FAM135A: variants seen among roughly 807,000 people sequenced by gnomAD.
The protein encoded by FAM135A is family with sequence similarity 135 member A, also known as protein FAM135A.
A neutral mutation model predicts 146.8 loss-of-function variants in FAM135A; 79 were observed. That is an observed-to-expected ratio of 0.54 (90% confidence interval 0.45 to 0.65). FAM135A has a LOEUF of 0.65. Among genes scored for constraint, FAM135A ranks in the 30% least tolerant of loss-of-function variants. The pLI is 0.00. For synonymous variants in FAM135A, 562 were observed against 603.6 expected (o/e 0.93, Z 1.01); for missense variants, 1,623 against 1,758.2 (o/e 0.92, Z 1.38).
chr6:70,521,881 G>A (rs1021353596), intron 12 of FAM135A, among the ~76,000 whole-genome samples: 1 of 152,108 alleles, frequency 6.6e-6, no homozygotes. Flanking sequence ...GTTTTGTGGG[G>A]ATGCAAAGGT....
intron 10 of FAM135A, among the ~76,000 whole-genome samples, chr6:70,485,888 A>G (rs1582467506): frequency 6.6e-6 from 1 of 152,356 alleles, no homozygotes; most frequent in East Asian, 1.9e-4. Context: ...CACTTGTAAC[A>G]GCAGGGAGTT....
rs80004977 is a variant in FAM135A, at chr6:70,463,419, T to TAAA, written c.157+10862_157+10864dup. 7.1e-4 allele frequency among the ~76,000 whole-genome samples: 101 copies of TAAA among 142,188 alleles called. No homozygotes were observed. In the South Asian group the frequency reaches 8.0e-3, roughly 11 times the overall value. The allele number at this position is 142,188 out of a possible 152,430, so 93.3% of individuals were successfully genotyped here. On this transcript the variant is annotated intron_variant, in intron 5 of 21. Transcript: ENST00000418814. ...GCGCATGCCACCACACTGGCCTAAT[T>TAAA]AAAAAAAAAAAAAAAATTTGTAGAG...
chr6:70,541,725 G>A (rs1269390441), intron 20 of FAM135A, among the ~76,000 whole-genome samples: 1 of 152,068 alleles, frequency 6.6e-6, no homozygotes, highest in Non-Finnish European at 1.5e-5. Context: ...GGCTTACTTA[G>A]CATCTTCATG....
At chr6:70,539,995 C>A (rs1797566120) in intron 20 of FAM135A, among the ~76,000 whole-genome samples, 1 of 151,364 alleles carries the variant, frequency 6.6e-6, no homozygotes, top group Non-Finnish European at 1.5e-5. Flanking sequence ...GACTCCGTCT[C>A]AAAAAAAAGA....
chr6:70,470,749 A>G (rs1263690891), intron 5 of FAM135A, among the ~76,000 whole-genome samples: 2 of 152,232 alleles, frequency 1.3e-5, no homozygotes, highest in African/African-American at 4.8e-5. Flanking sequence ...ATTGGAGGCC[A>G]TTTTAGAGGC....
At chr6:70,447,686 G>A (rs947472038) in intron 4 of FAM135A, among the ~76,000 whole-genome samples, 10 of 152,176 alleles carry the variant, frequency 6.6e-5, no homozygotes, top group South Asian at 2.1e-4. Flanking sequence ...TCCCGAAATC[G>A]GGTTCCCATC....
chr6:70,477,387 T>TA (rs1433629371), intron 8 of FAM135A, 55 bp downstream of exon 8: 3 of 1,528,106 alleles, frequency 2.0e-6, no homozygotes, highest in East Asian at 2.3e-5. Context: ...AATAAAGAAA[T>TA]ACCTGAGACT....
At chr6:70,527,507 T>C (rs1429355734) in intron 15 of FAM135A, among the ~76,000 whole-genome samples, 1 of 152,058 alleles carries the variant, frequency 6.6e-6, no homozygotes, top group African/African-American at 2.4e-5. Context: ...GAAAATAAAG[T>C]TTATATCACC....
At chr6:70,487,461 T>A (rs1487047645) in intron 10 of FAM135A, among the ~76,000 whole-genome samples, 1 of 152,144 alleles carries the variant, frequency 6.6e-6, no homozygotes, top group Admixed American at 6.6e-5. Flanking sequence ...AATAAGTATT[T>A]ATTTCCCAAT....
rs139011845 is a variant in FAM135A at position 70,479,800 on chromosome 6, G to A, written c.543-1101G>A. ...TTTATGGTCAATGCAATCTATAGACGTTATATCAGTTACTTAAAGTAAGTG... is the reference window on the plus strand; with the variant it reads ...TTTATGGTCAATGCAATCTATAGACATTATATCAGTTACTTAAAGTAAGTG... On this transcript the variant is annotated intron_variant, in intron 8 of 21. Coordinates refer to ENST00000418814, the MANE Select transcript of FAM135A (RefSeq NM_001162529.3). Among the ~76,000 whole-genome samples, 475 of 152,050 alleles carry A rather than the reference G, an allele frequency of 3.1e-3. 3 individuals carry two copies. Among genetic ancestry groups the A allele is most frequent in the African/African-American group, 0.011 (449 of 41,508 alleles).
chr6:70,483,223 A>G (rs1204788567), intron 10 of FAM135A, among the ~76,000 whole-genome samples: 1 of 152,164 alleles, frequency 6.6e-6, no homozygotes, highest in Non-Finnish European at 1.5e-5. Context: ...AGTGCATTTA[A>G]TTAATTAATT....
At chr6:70,461,935 A>G (rs1473853592) in intron 5 of FAM135A, among the ~76,000 whole-genome samples, 7 of 152,224 alleles carry the variant, frequency 4.6e-5, no homozygotes, top group Admixed American at 3.3e-4. Flanking sequence ...AATTGTGTAA[A>G]GAGATCTAGT....
At chr6:70,556,395 A>C (rs1321032233) in intron 20 of FAM135A, among the ~76,000 whole-genome samples, 1 of 152,206 alleles carries the variant, frequency 6.6e-6, no homozygotes, top group East Asian at 1.9e-4. Flanking sequence ...GTTTCTTTGG[A>C]AATAGTCCTA....
At chr6:70,488,123 T>C (rs887473585) in intron 10 of FAM135A, among the ~76,000 whole-genome samples, 6 of 152,112 alleles carry the variant, frequency 3.9e-5, no homozygotes, top group Non-Finnish European at 8.8e-5. Context: ...TATGTAAAGA[T>C]ACAGGTACAA....
At chr6:70,533,048 C>A in intron 16 of FAM135A, 112 bp from the exon 17 acceptor site, 1 of 796,406 alleles carries the variant, frequency 1.3e-6, no homozygotes, top group Non-Finnish European at 2.1e-6. Flanking sequence ...ATTGTCTGTT[C>A]ACAAATGGCA....
chr6:70,549,167 C>A (rs935927256), intron 20 of FAM135A, among the ~76,000 whole-genome samples: 2 of 152,028 alleles, frequency 1.3e-5, no homozygotes, highest in African/African-American at 2.4e-5. Context: ...AAATCTCACA[C>A]AATGAGGTAA....
intron 12 of FAM135A, among the ~76,000 whole-genome samples, chr6:70,520,245 G>A (rs1375474405): frequency 6.6e-6 from 1 of 152,100 alleles, no homozygotes; most frequent in Admixed American, 6.6e-5. Context: ...CAACTAGTAA[G>A]TATAAATCAG....
rs142807421 is a variant in FAM135A at position 70,426,543 on chromosome 6, A to T, written c.-40+11A>T. 2.6e-5 allele frequency: 4 copies of T among 152,328 alleles called. No individual in the cohort carries two copies. In the East Asian group the frequency reaches 7.7e-4, roughly 29 times the overall value. 9.4% of individuals were successfully genotyped at this position (152,328 alleles called of 1,614,324 possible). On this transcript the variant is annotated intron_variant, in intron 3 of 21. Coordinates refer to ENST00000418814, the MANE Select transcript of FAM135A (RefSeq NM_001162529.3). ...CTTTGAAAAGCAGAGGTAAGAATATAACTTTTTTGCACTTAATTCTTAATA... is the reference window on the plus strand; with the variant it reads ...CTTTGAAAAGCAGAGGTAAGAATATTACTTTTTTGCACTTAATTCTTAATA...
intron 16 of FAM135A, among the ~76,000 whole-genome samples, chr6:70,528,858 C>T (rs1373794477): frequency 6.7e-6 from 1 of 149,822 alleles, no homozygotes; most frequent in Admixed American, 6.7e-5. Context: ...CCTGACAGTC[C>T]CCATTGTGTG....
Sources: allele counts gnomAD v4.1 joint callset (sites outside exome capture counted in the v4.1 genomes callset), GRCh38; gene constraint gnomAD v4.1.1; transcripts MANE v1.5; gene names NCBI Gene and HGNC (gene_info 2026-07-23, HGNC 2026-07-21).